Variants in ZC3H12B observed in about 807,000 individuals in gnomAD.
ZC3H12B encodes zinc finger CCCH-type containing 12B.
Under a neutral mutation model 43.9 loss-of-function variants are expected in ZC3H12B, and 7 were observed. That is an observed-to-expected ratio of 0.16 (90% confidence interval 0.09 to 0.30). The LOEUF is 0.30. Among genes scored for constraint, ZC3H12B ranks in the 10% least tolerant of loss-of-function variants. The probability of loss-of-function intolerance (pLI) is 1.00; values close to 1 mark genes in which losing one functional copy is unlikely to be tolerated. For missense variants in ZC3H12B, 475 were observed against 670.2 expected (o/e 0.71, Z 3.22); for synonymous variants, 222 against 241.7 (o/e 0.92, Z 0.76).
chrX:65,145,088 T>C, the ZC3H12B span, among the ~76,000 whole-genome samples: 1 of 111,612 alleles, frequency 9.0e-6, no homozygotes, highest in African/African-American at 3.3e-5. Flanking sequence ...CTCACTATTA[T>C]TATGTTGCTG....
chrX:65,478,505 A>G (rs1365444376), intron 3 of ZC3H12B, among the ~76,000 whole-genome samples: 2 of 112,498 alleles, frequency 1.8e-5, no homozygotes, highest in African/African-American at 6.5e-5. Flanking sequence ...TTGTTTTTGT[A>G]ATTGTTGTTT....
chrX:65,427,402 T>C (rs1399586674), intron 3 of ZC3H12B, among the ~76,000 whole-genome samples: 3 of 111,101 alleles, frequency 2.7e-5, no homozygotes, highest in African/African-American at 9.8e-5. Context: ...AATCTTGTTT[T>C]ACTTAAACCT....
At chrX:65,196,435 T>A in the ZC3H12B span, among the ~76,000 whole-genome samples, 1 of 111,337 alleles carries the variant, frequency 9.0e-6, no homozygotes, top group Admixed American at 9.6e-5. Context: ...GCTGAGGTTT[T>A]ATCATGGGAC....
chrX:65,151,796 C>A, the ZC3H12B span, among the ~76,000 whole-genome samples: 23 of 111,526 alleles, frequency 2.1e-4, no homozygotes, highest in South Asian at 2.3e-3. Flanking sequence ...AATTTTTGAC[C>A]AATATCCTTG....
the ZC3H12B span, among the ~76,000 whole-genome samples, chrX:65,126,246 G>A: frequency 2.3e-3 from 250 of 110,797 alleles, 2 homozygotes; most frequent in African/African-American, 7.6e-3. Context: ...CATTTATGAG[G>A]TTTAGTTTTG....
the ZC3H12B span, among the ~76,000 whole-genome samples, chrX:65,072,086 G>A: frequency 8.9e-6 from 1 of 111,933 alleles, no homozygotes; most frequent in South Asian, 3.7e-4. Context: ...AGGGATACCA[G>A]TGGGTTATGG....
At chrX:65,079,651 C>G in the ZC3H12B span, among the ~76,000 whole-genome samples, 2 of 112,634 alleles carry the variant, frequency 1.8e-5, no homozygotes, top group Non-Finnish European at 3.8e-5. Flanking sequence ...TCTGCAAGAA[C>G]CACTGTGTTA....
At chrX:65,241,389 A>G in the ZC3H12B span, among the ~76,000 whole-genome samples, 1 of 109,311 alleles carries the variant, frequency 9.1e-6, no homozygotes, top group Non-Finnish European at 1.9e-5. Context: ...GACCACCTGG[A>G]CTCCCTGGAG....
intron 3 of ZC3H12B, among the ~76,000 whole-genome samples, chrX:65,423,763 G>A (rs1460576141): frequency 8.9e-6 from 1 of 111,800 alleles, no homozygotes; most frequent in Non-Finnish European, 1.9e-5. Context: ...CCCTTTGCCA[G>A]ATGGATAGAT....
the ZC3H12B span, among the ~76,000 whole-genome samples, chrX:65,163,653 A>G: frequency 9.0e-6 from 1 of 111,213 alleles, no homozygotes; most frequent in Non-Finnish European, 1.9e-5. Context: ...GAGTGACCTG[A>G]TTTTCCAGGT....
At chrX:65,261,428 C>T in the ZC3H12B span, among the ~76,000 whole-genome samples, 2 of 111,121 alleles carry the variant, frequency 1.8e-5, no homozygotes, top group Non-Finnish European at 3.8e-5. Flanking sequence ...CATCAAAGTA[C>T]ACCTTCCACT....
At chrX:65,095,140 A>G in the ZC3H12B span, among the ~76,000 whole-genome samples, 1 of 112,093 alleles carries the variant, frequency 8.9e-6, no homozygotes, top group Admixed American at 9.5e-5. Flanking sequence ...AGCTGTTCTG[A>G]TGAAATCAAT....
At chrX:65,060,859 G>C in the ZC3H12B span, among the ~76,000 whole-genome samples, 3 of 111,774 alleles carry the variant, frequency 2.7e-5, no homozygotes, top group East Asian at 8.5e-4. Context: ...TTCTTTCAAT[G>C]TTTGGTAGAA....
the ZC3H12B span, among the ~76,000 whole-genome samples, chrX:65,341,795 A>G: frequency 2.7e-5 from 3 of 109,130 alleles, no homozygotes; most frequent in African/African-American, 1.0e-4. Flanking sequence ...TAAAGCAACC[A>G]CAAAAAAAAA....
the ZC3H12B span, among the ~76,000 whole-genome samples, chrX:65,116,714 C>A: frequency 9.1e-6 from 1 of 109,802 alleles, no homozygotes; most frequent in Non-Finnish European, 1.9e-5. Context: ...ATCCTTCCCC[C>A]CTCCCCCCAA....
intron 2 of ZC3H12B, among the ~76,000 whole-genome samples, chrX:65,395,536 C>G: frequency 8.9e-6 from 1 of 112,303 alleles, no homozygotes; most frequent in South Asian, 3.7e-4. Flanking sequence ...TTGGACTAGC[C>G]TTGCATCTCA....
chrX:65,369,773 T>A (rs1475175679), intron 2 of ZC3H12B, among the ~76,000 whole-genome samples: 2 of 112,005 alleles, frequency 1.8e-5, no homozygotes, highest in Non-Finnish European at 3.8e-5. Flanking sequence ...AATAAGTGTA[T>A]CCTTTGTAAG....
chrX:65,038,079 G>C, the ZC3H12B span, among the ~76,000 whole-genome samples: 2 of 111,101 alleles, frequency 1.8e-5, no homozygotes, highest in Admixed American at 9.6e-5. Context: ...ATTGTAAGTT[G>C]ACATTTACAC....
chrX:65,231,889 C>T, the ZC3H12B span, among the ~76,000 whole-genome samples: 3 of 111,187 alleles, frequency 2.7e-5, no homozygotes, highest in African/African-American at 9.8e-5. Flanking sequence ...ATCACAGGGT[C>T]GTAAGGTGAC....
Sources: gnomAD v4.1 joint callset for allele counts (sites outside exome capture counted in the v4.1 genomes callset) on GRCh38, gnomAD v4.1.1 for gene constraint, MANE v1.5 for transcripts, NCBI Gene and HGNC (gene_info 2026-07-23, HGNC 2026-07-21) for gene names.